Variants in MTUS2 observed in about 807,000 individuals in gnomAD.
MTUS2 encodes the protein microtubule-associated tumor suppressor candidate 2.
Under a neutral mutation model 114.1 loss-of-function variants are expected in MTUS2, and 40 were observed. That is an observed-to-expected ratio of 0.35 (90% CI 0.27 to 0.46). The LOEUF is 0.46. Ranked by LOEUF, MTUS2 falls within the 20% of genes least tolerant of loss-of-function variation. The pLI, the probability that MTUS2 is intolerant of heterozygous loss-of-function variation, is 1.00. For synonymous variants in MTUS2, 688 were observed against 672.0 expected (o/e 1.02, Z -0.37); for missense variants, 1,679 against 1,705.4 (o/e 0.98, Z 0.27).
intron 4 of MTUS2, among the ~76,000 whole-genome samples, chr13:29,045,500 C>A (rs1887572692): frequency 6.6e-6 from 1 of 152,084 alleles, no homozygotes; most frequent in South Asian, 2.1e-4. Context: ...CTTGAGAGGA[C>A]ACAAACATTC....
At chr13:29,447,311 A>T (rs760351990) in intron 9 of MTUS2, among the ~76,000 whole-genome samples, 3 of 151,848 alleles carry the variant, frequency 2.0e-5, no homozygotes, top group African/African-American at 7.3e-5. Context: ...AAAAAATGCC[A>T]CTACGGCTCA....
At chr13:28,971,059 G>GTATT (rs1263150148) in intron 2 of MTUS2, among the ~76,000 whole-genome samples, 4 of 152,188 alleles carry the variant, frequency 2.6e-5, no homozygotes, top group Non-Finnish European at 5.9e-5. Flanking sequence ...TCACAAATCA[G>GTATT]TATTATATGC....
intron 5 of MTUS2, among the ~76,000 whole-genome samples, chr13:29,213,858 A>T (rs952408160): frequency 6.6e-6 from 1 of 152,042 alleles, no homozygotes. Flanking sequence ...TATATTTTCT[A>T]TTCAACCCAC....
At chr13:29,132,112 T>G (rs544843437) in intron 5 of MTUS2, among the ~76,000 whole-genome samples, 18 of 152,338 alleles carry the variant, frequency 1.2e-4, no homozygotes, top group African/African-American at 4.1e-4. Context: ...ATGAGTACGT[T>G]TCATATACTT....
chr13:28,910,376 A>G (rs528775319), intron 2 of MTUS2, among the ~76,000 whole-genome samples: 1 of 151,330 alleles, frequency 6.6e-6, no homozygotes, highest in African/African-American at 2.4e-5. Context: ...TTTTGTTCTT[A>G]TTTTTTTCCC....
chr13:29,306,142 A>T (rs78225930), intron 6 of MTUS2, among the ~76,000 whole-genome samples: 1 of 152,244 alleles, frequency 6.6e-6, no homozygotes, highest in African/African-American at 2.4e-5. Flanking sequence ...ATACCTCAGA[A>T]TAATAAGAAC....
chr13:29,485,721 A>C (rs906949802), intron 10 of MTUS2, among the ~76,000 whole-genome samples: 9 of 152,196 alleles, frequency 5.9e-5, no homozygotes, highest in African/African-American at 1.9e-4. Flanking sequence ...TGCCACAAAC[A>C]CAGTGTAGTA....
At chr13:28,848,731 C>T (rs1476949394) in intron 2 of MTUS2, among the ~76,000 whole-genome samples, 5 of 152,036 alleles carry the variant, frequency 3.3e-5, no homozygotes, top group Non-Finnish European at 1.5e-5. Flanking sequence ...CTGCTGTTGA[C>T]GAGGAGATAT....
chr13:29,436,487 C>A (rs1174659779), intron 8 of MTUS2, among the ~76,000 whole-genome samples: 1 of 152,220 alleles, frequency 6.6e-6, no homozygotes, highest in African/African-American at 2.4e-5. Context: ...CAGCATGAAT[C>A]ACCTGTAGTA....
At chr13:29,291,043 G>C (rs905120681) in intron 6 of MTUS2, among the ~76,000 whole-genome samples, 1 of 152,188 alleles carries the variant, frequency 6.6e-6, no homozygotes, top group African/African-American at 2.4e-5. Flanking sequence ...TAAGATAAAT[G>C]AGAGACGTGC....
intron 5 of MTUS2, among the ~76,000 whole-genome samples, chr13:29,214,393 C>G (rs1309360609): frequency 1.3e-5 from 2 of 152,136 alleles, no homozygotes; most frequent in African/African-American, 4.8e-5. Context: ...TGAATTAATC[C>G]TGTCATCATG....
intron 5 of MTUS2, among the ~76,000 whole-genome samples, chr13:29,226,514 C>T (rs1335655): frequency 0.62 from 94,502 of 152,008 alleles, 29,673 homozygotes; most frequent in African/African-American, 0.69. Context: ...AAGGAAACTT[C>T]ATTTGCACTC....
At chr13:29,335,789 A>G (rs192219365) in intron 7 of MTUS2, among the ~76,000 whole-genome samples, 95 of 152,312 alleles carry the variant, frequency 6.2e-4, no homozygotes, top group Middle Eastern at 3.4e-3. Flanking sequence ...GTGTTTTCCA[A>G]CTTGGTTCCT....
At chr13:29,092,113 G>A (rs1045267002) in intron 4 of MTUS2, among the ~76,000 whole-genome samples, 1 of 152,190 alleles carries the variant, frequency 6.6e-6, no homozygotes, top group African/African-American at 2.4e-5. Flanking sequence ...GATAGGGTTG[G>A]GTTCCCAGTG....
At chr13:29,171,115 G>T (rs1927830) in intron 5 of MTUS2, among the ~76,000 whole-genome samples, 5 of 151,842 alleles carry the variant, frequency 3.3e-5, no homozygotes, top group Admixed American at 3.3e-4. Flanking sequence ...TAGCAGGAAG[G>T]CTTGGTGAGT....
At chr13:28,841,886 C>T (rs1211569213) in intron 2 of MTUS2, among the ~76,000 whole-genome samples, 1 of 152,130 alleles carries the variant, frequency 6.6e-6, no homozygotes, top group Non-Finnish European at 1.5e-5. Flanking sequence ...GAGGTTTCGC[C>T]ATGTTGGCCA....
chr13:28,928,901 A>G (rs1036110470), intron 2 of MTUS2, among the ~76,000 whole-genome samples: 1 of 152,218 alleles, frequency 6.6e-6, no homozygotes, highest in East Asian at 1.9e-4. Flanking sequence ...CCCCACAGAT[A>G]TGTGTGCGTA....
chr13:29,255,477 A>G (rs1897259558), intron 5 of MTUS2, among the ~76,000 whole-genome samples: 1 of 152,156 alleles, frequency 6.6e-6, no homozygotes, highest in Non-Finnish European at 1.5e-5. Flanking sequence ...CATTAGTGGC[A>G]TTTTTCTATG....
At chr13:29,476,753 T>A (rs3011617) in intron 9 of MTUS2, 1 of 152,172 alleles carries the variant, frequency 6.6e-6, no homozygotes, top group Non-Finnish European at 1.5e-5. Context: ...GCAGCTGGAT[T>A]AGTTATATTT....
Sources: gnomAD v4.1 joint callset for allele counts (sites outside exome capture counted in the v4.1 genomes callset) on GRCh38, gnomAD v4.1.1 for gene constraint, MANE v1.5 for transcripts, NCBI Gene and HGNC (gene_info 2026-07-23, HGNC 2026-07-21) for gene names.